The following USP42 variants were observed in gnomAD, a reference collection of about 807,000 sequenced individuals.
USP42 encodes the protein ubiquitin specific peptidase 42.
Under a neutral mutation model 113.0 loss-of-function variants are expected in USP42, and 23 were observed. The ratio of observed to expected loss-of-function variants is 0.20; its 90% CI spans 0.15 to 0.29. USP42 has a LOEUF of 0.29. USP42 is among the 10% of genes least tolerant of loss of function. USP42 has a pLI of 1.00. For missense variants in USP42, 2,174 were observed against 1,779.8 expected (o/e 1.22, Z -3.99); for synonymous variants, 933 against 699.0 (o/e 1.33, Z -5.28).
At chr7:6,093,043 G>C in the USP42 span, 2 of 150,656 alleles carry the variant, frequency 1.3e-5, no homozygotes, top group Non-Finnish European at 2.9e-5. Context: ...CTCTGTGACT[G>C]AGTCTCCGTG....
At chr7:6,144,869 CA>C (rs112958397) in intron 9 of USP42, among the ~76,000 whole-genome samples, 87 of 140,910 alleles carry the variant, frequency 6.2e-4, no homozygotes, top group East Asian at 8.1e-4. Flanking sequence ...GATTCTGTCT[CA>C]AAAAAAAAAA....
chr7:6,134,127 G>A (rs1005650708), intron 3 of USP42, among the ~76,000 whole-genome samples: 1 of 152,016 alleles, frequency 6.6e-6, no homozygotes, highest in Non-Finnish European at 1.5e-5. Context: ...TCCTGACCTC[G>A]TGATCTGCCC....
the USP42 span, among the ~76,000 whole-genome samples, chr7:6,086,034 C>CT: frequency 8.3e-4 from 120 of 144,528 alleles, 4 homozygotes; most frequent in African/African-American, 1.9e-3. Context: ...TAACCACCCT[C>CT]TTTTTTTTTT....
At chr7:6,114,672 ATATATATTTTTTTTT>A (rs1425062602) in intron 2 of USP42, among the ~76,000 whole-genome samples, 5 of 33,762 alleles carry the variant, frequency 1.5e-4, no homozygotes, top group Non-Finnish European at 2.0e-4. Context: ...ATATATATAT[ATATATATTTTTTTTT>A]TTTTTTTTTT....
chr7:6,154,557 C>T lies in USP42; in HGVS notation c.3003C>T (p.Gly1001=), dbSNP rs1782300628. 4 of 1,550,430 alleles carry T rather than the reference C, an allele frequency of 2.6e-6. No individual in the cohort carries two copies. The highest frequency in any genetic ancestry group is 3.5e-6 in the Non-Finnish European group (4 of 1,149,430). Residue 1001 remains glycine (G), a synonymous_variant, in exon 15 of 18, where the codon GGC becomes GGT. Coordinates refer to ENST00000306177, the MANE Select transcript of USP42 (RefSeq NM_032172.3). ...GCCACGCCCCGGAGCACCACCCCGG[C>T]CACGGCGACAGGCTCAGCCCTGGCG... ...QDRHAPEHHP[G]HGDRLSPGER... is the part of the protein sequence containing the mutation.
At chr7:6,128,047 A>G (rs1036191592) in intron 3 of USP42, 4 of 152,072 alleles carry the variant, frequency 2.6e-5, no homozygotes, top group Admixed American at 6.6e-5. Context: ...TTTGGTCTCA[A>G]GCTATCCTCC....
Position 6,149,658 on chromosome 7 carries a change from T to A in USP42, c.1462T>A (p.Ser488Thr). ...TTCCATGTCGAGTCCTAACGGGAAT[T>A]CCAGTGTCAACAGGGCTAGTCCTGT... ...SSSMSSPNGN[S>T]SVNRASPVNA... is the part of the protein sequence containing the mutation. The change falls in exon 13 of 18, where the codon TCC becomes ACC. Residue 488 changes from serine (S) to threonine (T), a missense_variant. Transcript: ENST00000306177. 1 of 1,613,910 alleles carries A rather than the reference T, an allele frequency of 6.2e-7. No individual in the cohort carries two copies. The highest frequency in any genetic ancestry group is 8.5e-7 in the Non-Finnish European group (1 of 1,179,880).
intron 6 of USP42, among the ~76,000 whole-genome samples, chr7:6,140,429 C>T (rs568082295): frequency 1.3e-5 from 2 of 152,314 alleles, no homozygotes; most frequent in South Asian, 4.1e-4. Context: ...CCATTTGTCT[C>T]TTCGTATTAG....
At chr7:6,086,894 T>C in the USP42 span, among the ~76,000 whole-genome samples, 1 of 148,884 alleles carries the variant, frequency 6.7e-6, no homozygotes, top group East Asian at 2.0e-4. Flanking sequence ...CCTGGCTAAA[T>C]TTTTTGTATT....
At chr7:6,090,052 C>A in the USP42 span, among the ~76,000 whole-genome samples, 6 of 147,744 alleles carry the variant, frequency 4.1e-5, no homozygotes, top group Non-Finnish European at 8.9e-5. Flanking sequence ...GTAATCCCAG[C>A]ACTTTGGGAG....
chr7:6,155,280 A>G, intron 15 of USP42, 85 bp downstream of exon 15: 1 of 1,440,504 alleles, frequency 6.9e-7, no homozygotes. Context: ...CTCAGGAACA[A>G]GTGACCAGCC....
At chr7:6,131,482 C>A (rs1250417574) in intron 3 of USP42, among the ~76,000 whole-genome samples, 1 of 151,968 alleles carries the variant, frequency 6.6e-6, no homozygotes, top group Admixed American at 6.6e-5. Context: ...TCAAAAAAAA[C>A]AAACCAAACA....
At chr7:6,104,653 C>T (rs960017294), upstream of USP42, among the ~76,000 whole-genome samples, 1 of 152,198 alleles carries the variant, frequency 6.6e-6, no homozygotes, top group African/African-American at 2.4e-5. Flanking sequence ...GCGGAAGGAG[C>T]CCTTTCGCCG....
chr7:6,132,949 G>C (rs903611274), intron 3 of USP42, among the ~76,000 whole-genome samples: 6 of 152,206 alleles, frequency 3.9e-5, no homozygotes, highest in African/African-American at 1.4e-4. Context: ...GGGATTACAG[G>C]CGTGAGCCAC....
intron 14 of USP42, chr7:6,152,860 G>T (rs971210222): frequency 3.5e-4 from 287 of 829,782 alleles, no homozygotes; most frequent in Admixed American, 1.2e-3. Context: ...TGTGTTTGGA[G>T]GTGGCCCCTC....
At chr7:6,096,577 A>G in the USP42 span, among the ~76,000 whole-genome samples, 1 of 151,362 alleles carries the variant, frequency 6.6e-6, no homozygotes, top group Middle Eastern at 3.2e-3. Context: ...GGTTTAAACT[A>G]ACAAGGTGAC....
chr7:6,085,718 G>A, the USP42 span, among the ~76,000 whole-genome samples: 3 of 150,070 alleles, frequency 2.0e-5, no homozygotes, highest in East Asian at 3.9e-4. Context: ...GAGTTCAAGC[G>A]ATTCTCCTGC....
chr7:6,105,362 C>CAGCCCGCCCCT (rs1562794386), intron 1 of USP42, among the ~76,000 whole-genome samples: 6 of 148,952 alleles, frequency 4.0e-5, no homozygotes, highest in Admixed American at 2.0e-4. Flanking sequence ...CACCCGGCCC[C>CAGCCCGCCCCT]AGCCCGCCCC....
chr7:6,130,357 T>A (rs957565857), intron 3 of USP42, among the ~76,000 whole-genome samples: 1 of 152,256 alleles, frequency 6.6e-6, no homozygotes, highest in African/African-American at 2.4e-5. Flanking sequence ...GCTCCCCACA[T>A]GGTCTCCACG....
Sources: gnomAD v4.1 joint callset for allele counts (sites outside exome capture counted in the v4.1 genomes callset) on GRCh38, gnomAD v4.1.1 for gene constraint, MANE v1.5 for transcripts, NCBI Gene and HGNC (gene_info 2026-07-23, HGNC 2026-07-21) for gene names.